SLC25A21: variants seen among roughly 807,000 people sequenced by gnomAD.
SLC25A21 encodes the protein solute carrier family 25 member 21, also known as mitochondrial 2-oxodicarboxylate carrier.
In SLC25A21, 47 loss-of-function variants were observed where a neutral mutation model predicts 43.8. That is an observed-to-expected ratio of 1.07 (90% CI 0.85 to 1.37). The LOEUF (loss-of-function observed/expected upper bound fraction) is 1.37. Among genes scored for constraint, SLC25A21 ranks in the 40% most tolerant of loss-of-function variants. The probability of loss-of-function intolerance (pLI) is 0.00; values close to 1 mark genes in which losing one functional copy is unlikely to be tolerated. For missense variants in SLC25A21, 352 were observed against 350.2 expected, an observed-to-expected ratio of 1.00 and a Z score of -0.04; for synonymous variants, 131 against 121.3, an observed-to-expected ratio of 1.08 and a Z score of -0.52.
At chr14:36,729,645 T>A in intron 4 of SLC25A21, 79 bp from the exon 5 acceptor site, 1 of 1,191,480 alleles carries the variant, frequency 8.4e-7, no homozygotes, top group Non-Finnish European at 1.2e-6. Context: ...ATTTCTTTGG[T>A]AAATCATTAT....
At chr14:37,046,498 TA>T (rs1385013458) in intron 1 of SLC25A21, among the ~76,000 whole-genome samples, 2 of 152,178 alleles carry the variant, frequency 1.3e-5, no homozygotes, top group African/African-American at 4.8e-5. Context: ...GTATTTAGAA[TA>T]AAAATTGATT....
At chr14:36,752,988 G>A (rs558908455) in intron 3 of SLC25A21, among the ~76,000 whole-genome samples, 3 of 152,180 alleles carry the variant, frequency 2.0e-5, no homozygotes, top group South Asian at 2.1e-4. Context: ...ATGTGAGAAC[G>A]AACTAATAAA....
intron 7 of SLC25A21, among the ~76,000 whole-genome samples, chr14:36,697,148 T>C (rs1883064552): frequency 6.6e-6 from 1 of 152,248 alleles, no homozygotes; most frequent in African/African-American, 2.4e-5. Flanking sequence ...TCTTTATTTC[T>C]GCCTTCATTT....
At chr14:36,722,310 G>T (rs986943238) in intron 6 of SLC25A21, among the ~76,000 whole-genome samples, 1 of 152,160 alleles carries the variant, frequency 6.6e-6, no homozygotes, top group Non-Finnish European at 1.5e-5. Context: ...GAACACAGAG[G>T]ATTTTCAGGG....
chr14:37,111,760 T>C (rs1225656461), intron 1 of SLC25A21, among the ~76,000 whole-genome samples: 6 of 152,184 alleles, frequency 3.9e-5, no homozygotes, highest in Admixed American at 6.5e-5. Context: ...TATAATCTTA[T>C]TCAAAGATGG....
intron 1 of SLC25A21, among the ~76,000 whole-genome samples, chr14:36,880,666 C>T (rs1431135239): frequency 2.6e-5 from 4 of 152,154 alleles, no homozygotes; most frequent in African/African-American, 9.7e-5. Context: ...ATAAATTGAA[C>T]TGGCAGCTAT....
At chr14:36,752,415 G>C (rs571771251) in intron 3 of SLC25A21, among the ~76,000 whole-genome samples, 91 of 152,280 alleles carry the variant, frequency 6.0e-4, no homozygotes, top group Non-Finnish European at 1.1e-3. Context: ...CACAAGAAGT[G>C]AAAGCAGAGA....
chr14:37,076,813 G>A (rs1483495950), intron 1 of SLC25A21, among the ~76,000 whole-genome samples: 1 of 152,118 alleles, frequency 6.6e-6, no homozygotes, highest in Non-Finnish European at 1.5e-5. Context: ...TTTAATATGA[G>A]CCTGAGTTAG....
intron 1 of SLC25A21, among the ~76,000 whole-genome samples, chr14:37,166,689 T>C (rs906439034): frequency 7.9e-5 from 12 of 152,342 alleles, no homozygotes; most frequent in Admixed American, 5.9e-4. Context: ...GGGTGGACTG[T>C]AGAGTCCATC....
chr14:36,849,316 C>A (rs1023612871), intron 2 of SLC25A21, among the ~76,000 whole-genome samples: 1 of 152,102 alleles, frequency 6.6e-6, no homozygotes, highest in Non-Finnish European at 1.5e-5. Context: ...TTATGAAACA[C>A]TTCCATATTG....
intron 2 of SLC25A21, among the ~76,000 whole-genome samples, chr14:36,818,428 A>T (rs763066330): frequency 5.9e-5 from 9 of 152,232 alleles, no homozygotes; most frequent in Non-Finnish European, 1.0e-4. Flanking sequence ...TCACAGGAGC[A>T]GAGTCCATAA....
intron 1 of SLC25A21, among the ~76,000 whole-genome samples, chr14:37,035,863 A>G (rs1416840902): frequency 6.6e-6 from 1 of 152,232 alleles, no homozygotes; most frequent in Non-Finnish European, 1.5e-5. Context: ...GTTTATGTAC[A>G]GCAATAAATG....
intron 1 of SLC25A21, among the ~76,000 whole-genome samples, chr14:37,083,567 C>T (rs1262013744): frequency 6.6e-6 from 1 of 152,166 alleles, no homozygotes; most frequent in African/African-American, 2.4e-5. Flanking sequence ...GGATATTTAG[C>T]TTGCCCAAGG....
At chr14:36,729,323 TG>T (rs1250687404) in intron 5 of SLC25A21, among the ~76,000 whole-genome samples, 183 bp downstream of exon 5, 2 of 152,218 alleles carry the variant, frequency 1.3e-5, no homozygotes, top group Non-Finnish European at 2.9e-5. Context: ...AATTCATCAC[TG>T]GGAGCTATAA....
intron 3 of SLC25A21, among the ~76,000 whole-genome samples, chr14:36,777,550 T>A (rs530082429): frequency 6.6e-6 from 1 of 152,164 alleles, no homozygotes; most frequent in East Asian, 1.9e-4. Context: ...AGCCAAAAAA[T>A]GAGAAGATAC....
At chr14:36,992,724 T>C (rs1264467989) in intron 1 of SLC25A21, among the ~76,000 whole-genome samples, 1 of 152,212 alleles carries the variant, frequency 6.6e-6, no homozygotes, top group Non-Finnish European at 1.5e-5. Context: ...AGGCAGTAAT[T>C]TGTTACAGGC....
chr14:36,814,333 A>G (rs374590692), intron 2 of SLC25A21, among the ~76,000 whole-genome samples: 1 of 151,152 alleles, frequency 6.6e-6, no homozygotes, highest in East Asian at 2.0e-4. Context: ...TAGAATTCAG[A>G]ATTCTGAAGA....
intron 1 of SLC25A21, among the ~76,000 whole-genome samples, chr14:36,912,111 A>C (rs1303218307): frequency 2.0e-5 from 3 of 152,178 alleles, no homozygotes; most frequent in Non-Finnish European, 4.4e-5. Context: ...TTGGGGATTA[A>C]AAACTAACAG....
chr14:36,679,303 T>TGTC lies in SLC25A21; in HGVS notation c.*1352_*1354dup. 1 of 974,566 alleles carries TGTC rather than the reference T, an allele frequency of 1.0e-6. No homozygotes were observed. The highest frequency in any genetic ancestry group is 1.2e-6 in the Non-Finnish European group (1 of 820,136). 60.4% of individuals were successfully genotyped at this position (974,566 alleles called of 1,614,324 possible). ...GAAGGCTATGTATGTATATACAGTATGTCAAAAGCCTTTTATTTTTATACT... is the reference window on the plus strand; with the variant it reads ...GAAGGCTATGTATGTATATACAGTATGTCGTCAAAAGCCTTTTATTTTTATACT... On this transcript the variant is annotated 3_prime_UTR_variant, in exon 10 of 10. Coordinates refer to ENST00000331299, the MANE Select transcript of SLC25A21 (RefSeq NM_030631.4).
Sources: allele counts gnomAD v4.1 joint callset (sites outside exome capture counted in the v4.1 genomes callset), GRCh38; gene constraint gnomAD v4.1.1; transcripts MANE v1.5; gene names NCBI Gene and HGNC (gene_info 2026-07-23, HGNC 2026-07-21).